OPHN1: variants seen among roughly 807,000 people sequenced by gnomAD.
The protein encoded by OPHN1 is oligophrenin-1.
Under a neutral mutation model 60.7 loss-of-function variants are expected in OPHN1, and 11 were observed. The ratio of observed to expected loss-of-function variants is 0.18; its 90% CI spans 0.11 to 0.30. OPHN1 has a LOEUF of 0.30. Among genes scored for constraint, OPHN1 ranks in the 10% least tolerant of loss-of-function variants. The pLI, the probability that OPHN1 is intolerant of heterozygous loss-of-function variation, is 1.00. For synonymous variants in OPHN1, 226 were observed against 222.6 expected (o/e 1.02, Z -0.14); for missense variants, 449 against 611.0 (o/e 0.73, Z 2.80).
At chrX:68,408,187 A>G (rs1305962505) in intron 2 of OPHN1, among the ~76,000 whole-genome samples, 1 of 112,513 alleles carries the variant, frequency 8.9e-6, no homozygotes, top group African/African-American at 3.2e-5. Flanking sequence ...CACATACTCA[A>G]AGAATGCTCA....
intron 2 of OPHN1, among the ~76,000 whole-genome samples, chrX:68,300,393 C>T (rs781209312): frequency 1.8e-5 from 2 of 112,607 alleles, no homozygotes; most frequent in East Asian, 5.6e-4. Context: ...GTCTTTGTCT[C>T]ATTTTCAGAA....
At chrX:68,398,934 G>C (rs1229292271) in intron 2 of OPHN1, among the ~76,000 whole-genome samples, 1 of 103,899 alleles carries the variant, frequency 9.6e-6, no homozygotes, top group East Asian at 3.1e-4. Flanking sequence ...AGGTGACAGT[G>C]CAAGACTCTG....
chrX:68,429,754 G>C (rs913863081), intron 2 of OPHN1, among the ~76,000 whole-genome samples: 6 of 110,666 alleles, frequency 5.4e-5, no homozygotes, highest in Non-Finnish European at 1.1e-4. Context: ...TGATTTGTGG[G>C]ACCAAGTGCA....
intron 15 of OPHN1, among the ~76,000 whole-genome samples, chrX:68,136,691 G>T (rs1363080271): frequency 9.0e-6 from 1 of 111,442 alleles, no homozygotes; most frequent in Non-Finnish European, 1.9e-5. Context: ...CTGTAAAATG[G>T]AATAATAATA....
rs564902949 is a variant in OPHN1, at chrX:68,133,313, A to T, written c.1277-13981T>A. 211 of 620,835 alleles carry T rather than the reference A, an allele frequency of 3.4e-4. No homozygotes were observed. The South Asian group carries it at 4.8e-3, about 14-fold the overall frequency. 51.2% of individuals were successfully genotyped at this position (620,835 alleles called of 1,213,427 possible). The stretch of plus-strand genomic sequence containing the variant: ...GTGTGTCTTAGACTATGAAGACAAG[A>T]TTCAGGAGGAGTATGAGCAAATCCT... On this transcript the variant is annotated intron_variant, in intron 15 of 24. Coordinates refer to ENST00000355520, the MANE Select transcript of OPHN1 (RefSeq NM_002547.3).
intron 15 of OPHN1, among the ~76,000 whole-genome samples, chrX:68,141,677 T>C (rs929718882): frequency 9.0e-6 from 1 of 110,688 alleles, no homozygotes; most frequent in African/African-American, 3.3e-5. Context: ...ATTTTTAGAG[T>C]TGCAAGGATT....
At chrX:68,411,830 C>T (rs1231120803) in intron 2 of OPHN1, among the ~76,000 whole-genome samples, 1 of 111,564 alleles carries the variant, frequency 9.0e-6, no homozygotes, top group African/African-American at 3.3e-5. Context: ...GTGTCTTTGT[C>T]ATGAAATCTA....
At chrX:68,244,612 C>A (rs962129803) in intron 5 of OPHN1, among the ~76,000 whole-genome samples, 3 of 112,173 alleles carry the variant, frequency 2.7e-5, no homozygotes, top group African/African-American at 9.7e-5. Context: ...CCAAATATGA[C>A]TATAACATCA....
chrX:68,376,065 A>G (rs943249792), intron 2 of OPHN1, among the ~76,000 whole-genome samples: 1 of 111,974 alleles, frequency 8.9e-6, no homozygotes, highest in Non-Finnish European at 1.9e-5. Context: ...GTATAAATAG[A>G]GAAGTCTTGA....
chrX:68,313,933 C>T (rs759171455), intron 2 of OPHN1, among the ~76,000 whole-genome samples: 7 of 110,928 alleles, frequency 6.3e-5, no homozygotes, highest in Non-Finnish European at 1.3e-4. Context: ...CCATTGTATG[C>T]CTGTATCAAA....
At position 68,073,539 on chromosome X, in the gene OPHN1, A is replaced by C. The variant is rs1460978864; in HGVS notation, c.1687-240T>G. ...TCTCAGTTTGGAAGAAAAAATGCCT[A>C]TAAAAGATGGCATTAGTCCTGGATT... On this transcript the variant is annotated intron_variant, in intron 19 of 24. Coordinates refer to ENST00000355520, the MANE Select transcript of OPHN1 (RefSeq NM_002547.3). Among the ~76,000 whole-genome samples the C allele has an allele frequency of 7.1e-5, 8 of 112,189 alleles. No individual in the cohort carries two copies. In the East Asian group the frequency reaches 1.7e-3, roughly 24 times the overall value.
In OPHN1 at chrX:68,193,027, G is replaced by T. The variant is rs368031912; in HGVS notation, c.1202-34C>A. The T allele has an allele frequency of 2.7e-5, 29 of 1,082,099 alleles. No individual in the cohort carries two copies. The Admixed American group carries it at 4.8e-4, about 18-fold the overall frequency. The allele number at this position is 1,082,099 out of a possible 1,213,427, so 89.2% of individuals were successfully genotyped here. ...GGAAAAAATCAGGTTAATTTCACTTGTATAGCTAGAGTTGTCATCTCCCCT... is the reference window on the plus strand; with the variant it reads ...GGAAAAAATCAGGTTAATTTCACTTTTATAGCTAGAGTTGTCATCTCCCCT... On this transcript the variant is annotated intron_variant, in intron 14 of 24. Coordinates refer to ENST00000355520, the MANE Select transcript of OPHN1 (RefSeq NM_002547.3).
At chrX:68,227,005 G>A (rs937960698) in intron 6 of OPHN1, among the ~76,000 whole-genome samples, 1 of 111,241 alleles carries the variant, frequency 9.0e-6, no homozygotes, top group Non-Finnish European at 1.9e-5. Flanking sequence ...CTGTATTCAG[G>A]AGACCCATCT....
At chrX:68,197,423 A>T in intron 11 of OPHN1, among the ~76,000 whole-genome samples, 159 bp from the exon 12 acceptor site, 1 of 111,485 alleles carries the variant, frequency 9.0e-6, no homozygotes, top group East Asian at 2.8e-4. Context: ...TCAAGAAAAC[A>T]ATAGGCAATT....
chrX:68,227,832 C>G (rs1042053847), intron 6 of OPHN1, among the ~76,000 whole-genome samples: 1 of 110,508 alleles, frequency 9.0e-6, no homozygotes, highest in Non-Finnish European at 1.9e-5. Flanking sequence ...ACCCTAACAT[C>G]ACAATTAAAA....
intron 5 of OPHN1, among the ~76,000 whole-genome samples, chrX:68,261,645 A>G (rs1309857311): frequency 9.0e-6 from 1 of 111,720 alleles, no homozygotes; most frequent in Non-Finnish European, 1.9e-5. Context: ...AAAGAAATCT[A>G]GAGTGTGGCT....
At chrX:68,408,728 G>A (rs1418350124) in intron 2 of OPHN1, among the ~76,000 whole-genome samples, 3 of 112,925 alleles carry the variant, frequency 2.7e-5, no homozygotes, top group Non-Finnish European at 5.6e-5. Flanking sequence ...TCGGGAGGCC[G>A]AGGTGGGCAG....
intron 2 of OPHN1, among the ~76,000 whole-genome samples, chrX:68,304,256 T>C (rs111373961): frequency 3.6e-5 from 4 of 111,492 alleles, no homozygotes; most frequent in South Asian, 3.7e-4. Flanking sequence ...CCATTTTTTT[T>C]CAAACATGAT....
chrX:68,309,043 T>G (rs1316870792), intron 2 of OPHN1, among the ~76,000 whole-genome samples: 1 of 111,561 alleles, frequency 9.0e-6, no homozygotes, highest in Non-Finnish European at 1.9e-5. Context: ...TGTCTTGGCC[T>G]CCCAAAGTGT....
Sources: allele counts gnomAD v4.1 joint callset (sites outside exome capture counted in the v4.1 genomes callset), GRCh38; gene constraint gnomAD v4.1.1; transcripts MANE v1.5; gene names NCBI Gene and HGNC (gene_info 2026-07-23, HGNC 2026-07-21).